Variants in STAM observed in about 807,000 individuals in gnomAD.
The protein encoded by STAM is signal transducing adaptor molecule.
STAM carries 16 observed loss-of-function variants against 63.4 expected under a neutral mutation model. The observed-to-expected ratio is 0.25, with a 90% CI of 0.17 to 0.38. STAM has a LOEUF of 0.38. Ranked by LOEUF, STAM falls within the 10% of genes least tolerant of loss-of-function variation. STAM has a pLI of 1.00. For missense variants in STAM, 636 were observed against 657.1 expected, an observed-to-expected ratio of 0.97 and a Z score of 0.35; for synonymous variants, 238 against 223.9, an observed-to-expected ratio of 1.06 and a Z score of -0.56.
At chr10:17,712,168 G>C (rs190871157) in intron 13 of STAM, among the ~76,000 whole-genome samples, 9 of 152,338 alleles carry the variant, frequency 5.9e-5, no homozygotes, top group African/African-American at 2.2e-4. Context: ...TGTGCTGTAT[G>C]CTTTACACAA....
chr10:17,646,203 G>A (rs557941570), intron 1 of STAM, among the ~76,000 whole-genome samples: 7 of 152,238 alleles, frequency 4.6e-5, no homozygotes, highest in African/African-American at 1.4e-4. Context: ...CAGTAGCAAC[G>A]TTATTGACGG....
At chr10:17,680,662 C>G (rs1438609275) in intron 2 of STAM, among the ~76,000 whole-genome samples, 1 of 152,178 alleles carries the variant, frequency 6.6e-6, no homozygotes, top group Non-Finnish European at 1.5e-5. Context: ...CCACCTTCAT[C>G]TCCCAAAGTG....
chr10:17,692,833 G>GT (rs199802161), intron 5 of STAM, among the ~76,000 whole-genome samples: 2,012 of 148,846 alleles, frequency 0.014, 16 homozygotes, highest in Non-Finnish European at 0.018. Context: ...AGATACTACA[G>GT]TTTTTTTTTT....
chr10:17,688,245 T>G, intron 5 of STAM, 72 bp downstream of exon 5: 1 of 1,330,076 alleles, frequency 7.5e-7, no homozygotes, highest in Non-Finnish European at 9.8e-7. Context: ...TTTGAATTTT[T>G]TTCTTCATTC....
chr10:17,674,566 C>T (rs1399625353), intron 2 of STAM, among the ~76,000 whole-genome samples: 2 of 152,082 alleles, frequency 1.3e-5, no homozygotes, highest in African/African-American at 4.8e-5. Flanking sequence ...GGTGGGTTCC[C>T]AGAGGGAGCA....
intron 1 of STAM, among the ~76,000 whole-genome samples, chr10:17,651,064 CAAAAAAAAA>C (rs10606057): frequency 0.032 from 1,814 of 55,838 alleles, 31 homozygotes; most frequent in South Asian, 0.091. Context: ...GAGTCCGTCT[CAAAAAAAAA>C]AAAAAAAAAA....
chr10:17,674,006 G>A (rs1554824374), intron 2 of STAM, among the ~76,000 whole-genome samples: 1 of 149,722 alleles, frequency 6.7e-6, no homozygotes, highest in Non-Finnish European at 1.5e-5. Flanking sequence ...CAGGGCGGGA[G>A]AGTCCTTGGA....
intron 2 of STAM, among the ~76,000 whole-genome samples, chr10:17,679,675 A>C (rs1417528561): frequency 1.3e-5 from 2 of 151,726 alleles, no homozygotes; most frequent in Non-Finnish European, 2.9e-5. Flanking sequence ...CTTCGTGGGA[A>C]GTTTTCTTAA....
intron 9 of STAM, among the ~76,000 whole-genome samples, chr10:17,703,694 T>C (rs1247998453): frequency 1.3e-5 from 2 of 152,240 alleles, no homozygotes; most frequent in African/African-American, 2.4e-5. Context: ...TCTGTGTCAC[T>C]GGTTTGAGGT....
rs1836788973 is a variant in STAM at position 17,715,759 on chromosome 10, A to G, written c.*979A>G. The stretch of plus-strand genomic sequence containing the variant: ...AAACTGGAAAGAAAACCTGAATTAC[A>G]CTACATTTTCGAAGTCTCTTGTAAT... On this transcript the variant is annotated 3_prime_UTR_variant, in exon 14 of 14. Transcript: ENST00000377524. The G allele has an allele frequency of 6.6e-6, 1 of 152,628 alleles. No homozygotes were observed. Among genetic ancestry groups the G allele is most frequent in the Admixed American group, 6.5e-5 (1 of 15,284 alleles). The allele number at this position is 152,628 out of a possible 1,614,324, so 9.5% of individuals were successfully genotyped here.
intron 13 of STAM, among the ~76,000 whole-genome samples, chr10:17,710,721 C>G (rs1429045264): frequency 1.3e-5 from 2 of 152,114 alleles, no homozygotes; most frequent in Non-Finnish European, 2.9e-5. Context: ...ACCTCTATAG[C>G]CATCCTATGT....
chr10:17,673,871 G>A (rs1554824355), intron 2 of STAM, among the ~76,000 whole-genome samples: 1 of 152,176 alleles, frequency 6.6e-6, no homozygotes, highest in Non-Finnish European at 1.5e-5. Flanking sequence ...ATTTGAGTTT[G>A]CAGGAGGAAT....
intron 5 of STAM, among the ~76,000 whole-genome samples, chr10:17,688,811 A>G (rs992576721): frequency 6.6e-6 from 1 of 152,140 alleles, no homozygotes; most frequent in East Asian, 1.9e-4. Context: ...ATTAGGTAAC[A>G]CTGTCTTTTT....
At chr10:17,670,082 AAG>A (rs1397938491) in intron 2 of STAM, among the ~76,000 whole-genome samples, 5 of 151,840 alleles carry the variant, frequency 3.3e-5, no homozygotes, top group African/African-American at 1.2e-4. Flanking sequence ...GTGTATCTGG[AAG>A]AGAATGATGC....
At chr10:17,689,844 C>G (rs1036498944) in intron 5 of STAM, among the ~76,000 whole-genome samples, 6 of 152,186 alleles carry the variant, frequency 3.9e-5, no homozygotes, top group Admixed American at 3.3e-4. Context: ...CCTATGGGTT[C>G]ATTATCTCCA....
At chr10:17,651,062 C>T (rs1418862016) in intron 1 of STAM, among the ~76,000 whole-genome samples, 4 of 68,156 alleles carry the variant, frequency 5.9e-5, no homozygotes, top group Non-Finnish European at 9.7e-5. Context: ...GAGAGTCCGT[C>T]TCAAAAAAAA....
At chr10:17,673,425 G>C (rs1489540043) in intron 2 of STAM, among the ~76,000 whole-genome samples, 1 of 152,022 alleles carries the variant, frequency 6.6e-6, no homozygotes, top group African/African-American at 2.4e-5. Flanking sequence ...TTTTTTTTGA[G>C]CATCAGCCAC....
chr10:17,670,804 C>T (rs914580111), intron 2 of STAM, among the ~76,000 whole-genome samples: 3 of 130,868 alleles, frequency 2.3e-5, no homozygotes, highest in African/African-American at 5.7e-5. Flanking sequence ...ACTTAATAAG[C>T]TTAACATTAA....
chr10:17,651,927 A>C (rs1833757486), intron 1 of STAM, among the ~76,000 whole-genome samples: 1 of 152,226 alleles, frequency 6.6e-6, no homozygotes, highest in Admixed American at 6.5e-5. Context: ...AATTTTGAGA[A>C]AAATCAAAAG....
Sources: gnomAD v4.1 joint callset for allele counts (sites outside exome capture counted in the v4.1 genomes callset) on GRCh38, gnomAD v4.1.1 for gene constraint, MANE v1.5 for transcripts, NCBI Gene and HGNC (gene_info 2026-07-23, HGNC 2026-07-21) for gene names.